The following COLQ variants were observed in gnomAD, a reference collection of about 807,000 sequenced individuals.
COLQ encodes acetylcholinesterase collagenic tail peptide.
A neutral mutation model predicts 69.0 loss-of-function variants in COLQ; 48 were observed. The ratio of observed to expected loss-of-function variants is 0.70; its 90% CI spans 0.55 to 0.88. The LOEUF (loss-of-function observed/expected upper bound fraction) is 0.88. Ranked by LOEUF, COLQ falls within the 40% of genes least tolerant of loss-of-function variation. The probability of loss-of-function intolerance (pLI) is 0.00; values close to 1 mark genes in which losing one functional copy is unlikely to be tolerated. For synonymous variants in COLQ, 217 were observed against 211.2 expected (o/e 1.03, Z -0.24); for missense variants, 618 against 594.6 (o/e 1.04, Z -0.41).
At position 15,474,905 on chromosome 3, in the gene COLQ, C is replaced by T; in HGVS notation, c.555+20G>A. 6.2e-7 allele frequency: 1 copy of T among 1,613,946 alleles called. No homozygotes were observed. The highest frequency in any genetic ancestry group is 1.1e-5 in the South Asian group (1 of 91,076). On this transcript the variant is annotated intron_variant, in intron 8 of 16. Coordinates refer to ENST00000383788, the MANE Select transcript of COLQ (RefSeq NM_005677.4). The stretch of plus-strand genomic sequence containing the variant: ...TAGCCCAGACCAGGCTCTAGGACAC[C>T]ATCCAAGAAAAGCACTAACCTTTTC...
intron 1 of COLQ, among the ~76,000 whole-genome samples, chr3:15,495,417 C>T (rs1177051236): frequency 1.3e-5 from 2 of 152,184 alleles, no homozygotes; most frequent in Non-Finnish European, 2.9e-5. Context: ...TACCTTAATT[C>T]ATATCTAGAA....
At chr3:15,491,784 G>T (rs1317742138) in intron 1 of COLQ, among the ~76,000 whole-genome samples, 1 of 152,118 alleles carries the variant, frequency 6.6e-6, no homozygotes, top group African/African-American at 2.4e-5. Context: ...TATGGGCCAG[G>T]CATGGTGGCT....
chr3:15,479,782 C>T (rs973794389), intron 3 of COLQ, among the ~76,000 whole-genome samples: 1 of 152,176 alleles, frequency 6.6e-6, no homozygotes, highest in African/African-American at 2.4e-5. Flanking sequence ...GCCAAACTTC[C>T]CTGGGGGCCT....
At position 15,479,347 on chromosome 3, in the gene COLQ, C is replaced by T. The variant is rs771988325; in HGVS notation, c.357G>A (p.Lys119=). Residue 119 remains lysine (K), a synonymous_variant, in exon 4 of 17, where the codon AAG becomes AAA. Transcript: ENST00000383788. ...PPGLPGKTGP[K]GEKGELGRPG... Reference sequence around the variant, plus strand: ...AAGTAGTGGTCCATACCTTTTCTCCCTTTGGTCCTGTCTTGCCAGGAAGCC... The same window carrying T: ...AAGTAGTGGTCCATACCTTTTCTCCTTTTGGTCCTGTCTTGCCAGGAAGCC... 5.6e-6 allele frequency: 9 copies of T among 1,613,998 alleles called. No individual in the cohort carries two copies. Among genetic ancestry groups the T allele is most frequent in the Non-Finnish European group, 6.8e-6 (8 of 1,179,974 alleles).
intron 1 of COLQ, among the ~76,000 whole-genome samples, chr3:15,510,871 G>A (rs985333563): frequency 6.6e-6 from 1 of 151,078 alleles, no homozygotes; most frequent in Non-Finnish European, 1.5e-5. Context: ...AGGAAGGAAG[G>A]AAGGAAGGAA....
intron 1 of COLQ, chr3:15,498,664 G>A: frequency 6.4e-7 from 1 of 1,550,404 alleles, no homozygotes; most frequent in Non-Finnish European, 8.7e-7. Context: ...GCCTCTGAGT[G>A]CTCCCAGTGC....
At chr3:15,502,655 C>CT (rs1472270837) in intron 1 of COLQ, among the ~76,000 whole-genome samples, 1 of 152,192 alleles carries the variant, frequency 6.6e-6, no homozygotes, top group Non-Finnish European at 1.5e-5. Flanking sequence ...CTCCTGTGAT[C>CT]TGCCCACCTT....
At chr3:15,468,902 A>G (rs995350764) in intron 11 of COLQ, among the ~76,000 whole-genome samples, 10 of 152,206 alleles carry the variant, frequency 6.6e-5, no homozygotes, top group African/African-American at 2.4e-4. Context: ...AGAAATTACT[A>G]TCTGAAATTC....
chr3:15,520,866 C>G (rs1307759081), intron 1 of COLQ, among the ~76,000 whole-genome samples: 1 of 152,182 alleles, frequency 6.6e-6, no homozygotes, highest in Non-Finnish European at 1.5e-5. Flanking sequence ...CACTGTGGAA[C>G]CCCCTCCACT....
chr3:15,493,507 C>T (rs1354302683), intron 1 of COLQ, among the ~76,000 whole-genome samples: 1 of 152,260 alleles, frequency 6.6e-6, no homozygotes, highest in Non-Finnish European at 1.5e-5. Context: ...TTGGCGTCTT[C>T]ACGCCCATCT....
intron 1 of COLQ, among the ~76,000 whole-genome samples, chr3:15,519,676 G>A (rs569081718): frequency 1.3e-3 from 204 of 152,210 alleles, no homozygotes; most frequent in Middle Eastern, 3.4e-3. Flanking sequence ...TCTTTATCCT[G>A]CTGTTGCCCT....
At chr3:15,477,522 T>C (rs369961900) in intron 5 of COLQ, 3 of 356,770 alleles carry the variant, frequency 8.4e-6, no homozygotes, top group East Asian at 6.5e-5. Flanking sequence ...GGATGTGCTA[T>C]GGAATGAGAT....
chr3:15,454,812 G>C (rs2062003459), intron 15 of COLQ, among the ~76,000 whole-genome samples: 1 of 151,854 alleles, frequency 6.6e-6, no homozygotes, highest in African/African-American at 2.4e-5. Flanking sequence ...CGCACCACCA[G>C]GCCTGGCTAA....
chr3:15,474,716 T>A (rs1460748087), intron 8 of COLQ, among the ~76,000 whole-genome samples: 1 of 152,234 alleles, frequency 6.6e-6, no homozygotes, highest in Non-Finnish European at 1.5e-5. Flanking sequence ...CCTCTGCCTC[T>A]ATGGGGAGCC....
At chr3:15,513,418 G>A (rs1049362545) in intron 1 of COLQ, among the ~76,000 whole-genome samples, 2 of 152,184 alleles carry the variant, frequency 1.3e-5, no homozygotes, top group East Asian at 1.9e-4. Context: ...ATGCCAGAGC[G>A]CTTCTCCAAC....
At position 15,458,216 on chromosome 3, in the gene COLQ, C is replaced by T; in HGVS notation, c.924G>A (p.Val308=). ...GAACTCGCGGGGAACTGGGCCCATA[C>T]ACAGATTCCCCGTAGGAAGGGTTAT... is the stretch of plus-strand genomic sequence containing the variant. The part of the protein sequence containing the change: ...NVNNPSYGES[V]YGPSSPRVPV... The change falls in exon 13 of 17, where the codon GTG becomes GTA. Residue 308 remains valine, a synonymous_variant. Coordinates refer to ENST00000383788, the MANE Select transcript of COLQ (RefSeq NM_005677.4). The T allele has an allele frequency of 9.9e-6, 16 of 1,614,082 alleles. No homozygotes were observed. Among genetic ancestry groups the T allele is most frequent in the Non-Finnish European group, 1.2e-5 (14 of 1,180,024 alleles).
rs73146172 is a variant in COLQ, at chr3:15,498,186, G to A, written c.107-8549C>T. On this transcript the variant is annotated intron_variant, in intron 1 of 16. Transcript: ENST00000383788. The stretch of plus-strand genomic sequence containing the variant: ...GTACCAGCTGCCAGCCAAGGTACCA[G>A]CTGCCAGCACAAGGTACTTGTGTCA... Among the ~76,000 whole-genome samples the A allele has an allele frequency of 8.1e-3, 1,229 of 152,228 alleles. 14 individuals are homozygous for A. Among genetic ancestry groups the A allele is most frequent in the African/African-American group, 0.028 (1,154 of 41,526 alleles).
chr3:15,485,868 A>G (rs2062564194), intron 3 of COLQ, among the ~76,000 whole-genome samples: 1 of 152,196 alleles, frequency 6.6e-6, no homozygotes, highest in Non-Finnish European at 1.5e-5. Flanking sequence ...AGGCTGATGT[A>G]GGAGGCTCAC....
At chr3:15,499,977 T>A (rs1417551167) in intron 1 of COLQ, among the ~76,000 whole-genome samples, 2 of 152,214 alleles carry the variant, frequency 1.3e-5, no homozygotes, top group Non-Finnish European at 2.9e-5. Context: ...ATTGACATAT[T>A]CTTGGATAAC....
Sources: allele counts gnomAD v4.1 joint callset (sites outside exome capture counted in the v4.1 genomes callset), GRCh38; gene constraint gnomAD v4.1.1; transcripts MANE v1.5; gene names NCBI Gene and HGNC (gene_info 2026-07-23, HGNC 2026-07-21).